The following FMN2 variants were observed in gnomAD, a reference collection of about 807,000 sequenced individuals.
FMN2 encodes the protein formin 2.
In FMN2, 51 loss-of-function variants were observed where a neutral mutation model predicts 142.3. The observed-to-expected ratio is 0.36, with a 90% CI of 0.29 to 0.45. The LOEUF is 0.45. Ranked by LOEUF, FMN2 falls within the 20% of genes least tolerant of loss-of-function variation. The pLI is 1.00. For synonymous variants in FMN2, 882 were observed against 869.8 expected (o/e 1.01, Z -0.25); for missense variants, 1,936 against 2,122.8 (o/e 0.91, Z 1.73).
At chr1:240,290,913 A>G (rs1185449003) in intron 7 of FMN2, among the ~76,000 whole-genome samples, 1 of 150,706 alleles carries the variant, frequency 6.6e-6, no homozygotes, top group African/African-American at 2.5e-5. Context: ...TCCCGGGTTC[A>G]AGTGATTATC....
intron 8 of FMN2, among the ~76,000 whole-genome samples, chr1:240,312,357 GA>G (rs1192946862): frequency 6.6e-6 from 1 of 152,038 alleles, no homozygotes; most frequent in African/African-American, 2.4e-5. Context: ...TCTTCCTTAG[GA>G]ATTCTTTGTA....
At chr1:240,472,594 T>C in intron 17 of FMN2, 141 bp downstream of exon 17, 1 of 553,540 alleles carries the variant, frequency 1.8e-6, no homozygotes, top group Non-Finnish European at 3.1e-6. Flanking sequence ...AGAATCTCCT[T>C]TTTCTTATGC....
At chr1:240,418,922 C>A (rs1179992911) in intron 15 of FMN2, among the ~76,000 whole-genome samples, 1 of 152,070 alleles carries the variant, frequency 6.6e-6, no homozygotes, top group Non-Finnish European at 1.5e-5. Flanking sequence ...GCCTGGCCAA[C>A]ATCATGAAAC....
chr1:240,165,114 T>C (rs1274044741), intron 2 of FMN2, among the ~76,000 whole-genome samples: 1 of 152,218 alleles, frequency 6.6e-6, no homozygotes, highest in Non-Finnish European at 1.5e-5. Context: ...AATTTGGCTA[T>C]TTGTCAGTTC....
At chr1:240,244,408 T>C (rs1572109162) in intron 6 of FMN2, among the ~76,000 whole-genome samples, 1 of 152,344 alleles carries the variant, frequency 6.6e-6, no homozygotes, top group East Asian at 1.9e-4. Flanking sequence ...CTCTTTGATG[T>C]CATCTTAATT....
chr1:240,392,072 T>C (rs1673621551), intron 14 of FMN2, among the ~76,000 whole-genome samples: 1 of 151,892 alleles, frequency 6.6e-6, no homozygotes, highest in Admixed American at 6.6e-5. Context: ...AGTTCAAAAT[T>C]CTTAACATAA....
intron 2 of FMN2, chr1:240,142,953 G>A: frequency 6.2e-7 from 1 of 1,601,260 alleles, no homozygotes; most frequent in Non-Finnish European, 8.6e-7. Flanking sequence ...TACATAGTGT[G>A]ATTTGCCTAG....
At chr1:240,235,356 T>G (rs1667667708) in intron 6 of FMN2, among the ~76,000 whole-genome samples, 1 of 152,196 alleles carries the variant, frequency 6.6e-6, no homozygotes, top group African/African-American at 2.4e-5. Flanking sequence ...TGCTTTTCAT[T>G]TTAAACGCTC....
chr1:240,144,662 T>C (rs1663358757), intron 2 of FMN2: 5 of 1,290,132 alleles, frequency 3.9e-6, no homozygotes, highest in Non-Finnish European at 5.7e-6. Flanking sequence ...CTCAGACACA[T>C]AATTCACACA....
chr1:240,102,131 A>G (rs1661437573), intron 1 of FMN2, among the ~76,000 whole-genome samples: 1 of 152,094 alleles, frequency 6.6e-6, no homozygotes. Context: ...AATACTTTTT[A>G]TGAGTCTGTG....
In FMN2 at chr1:240,367,147, C is replaced by T. The variant is rs531369176; in HGVS notation, c.4858+11239C>T. Among the ~76,000 whole-genome samples, 48 of 152,186 alleles carry T rather than the reference C, an allele frequency of 3.2e-4. 1 individual carries two copies. The highest frequency in any genetic ancestry group is 2.7e-3 in the Admixed American group (41 of 15,298). On this transcript the variant is annotated intron_variant, in intron 14 of 17. Coordinates refer to ENST00000319653, the MANE Select transcript of FMN2 (RefSeq NM_020066.5). ...CAATTGACTCTTTAAAGTGGTATTTCGTTGAGGTTTTCACTTGCATTTTCC... is the reference window on the plus strand; with the variant it reads ...CAATTGACTCTTTAAAGTGGTATTTTGTTGAGGTTTTCACTTGCATTTTCC...
In FMN2 at chr1:240,162,156, C is replaced by G. The variant is rs924301129; in HGVS notation, c.1783-15765C>G. Among the ~76,000 whole-genome samples, 4 of 146,440 alleles carry G rather than the reference C, an allele frequency of 2.7e-5. No homozygotes were observed. In the South Asian group the frequency reaches 8.7e-4, roughly 32 times the overall value. The stretch of plus-strand genomic sequence containing the variant: ...CAAAAAAAAAAAAACAAAAAATTGT[C>G]AAAAGAAATTATGAAGAAAGCAAAA... On this transcript the variant is annotated intron_variant, in intron 2 of 17. Transcript: ENST00000319653.
intron 13 of FMN2, among the ~76,000 whole-genome samples, chr1:240,342,200 T>C (rs1208833510): frequency 2.0e-5 from 3 of 152,226 alleles, no homozygotes; most frequent in African/African-American, 7.2e-5. Context: ...TAGTTTCCTC[T>C]TTATATGTTA....
intron 6 of FMN2, among the ~76,000 whole-genome samples, chr1:240,230,379 G>C (rs1449582891): frequency 7.7e-6 from 1 of 130,560 alleles, no homozygotes; most frequent in Non-Finnish European, 1.6e-5. Flanking sequence ...AGAAAAGAAA[G>C]AGAATAGTGT....
chr1:240,298,842 C>T (rs1670087137), intron 8 of FMN2, among the ~76,000 whole-genome samples: 1 of 152,096 alleles, frequency 6.6e-6, no homozygotes, highest in Non-Finnish European at 1.5e-5. Flanking sequence ...TTGTTGAAAT[C>T]TTATAGTACT....
Position 240,207,843 on chromosome 1 carries a change from C to T in FMN2, c.3031C>T (p.Pro1011Ser). The T allele has an allele frequency of 2.5e-6, 1 of 398,590 alleles. No homozygotes were observed. The highest frequency in any genetic ancestry group is 4.3e-6 in the Non-Finnish European group (1 of 230,776). 24.7% of individuals were successfully genotyped at this position (398,590 alleles called of 1,614,324 possible). A position where few individuals can be genotyped will look rare whatever the true frequency, so the allele number is the denominator to read the frequency against. The change falls in exon 5 of 18, where the codon CCT becomes TCT. Residue 1011 changes from proline (P) to serine (S), a missense_variant. Coordinates refer to ENST00000319653, the MANE Select transcript of FMN2 (RefSeq NM_020066.5). ...ACTTCCCGGAGCGGGCATACCCCCTCCTCCCCCTCTTCCCGGAGCGGGCAT... is the reference window on the plus strand; with the variant it reads ...ACTTCCCGGAGCGGGCATACCCCCTTCTCCCCCTCTTCCCGGAGCGGGCAT... ...PPLPGAGIPPPPPLPGAGIPP... is the reference protein window; with the variant it reads ...PPLPGAGIPPSPPLPGAGIPP...
chr1:240,273,671 A>T (rs1277122893), intron 7 of FMN2, among the ~76,000 whole-genome samples: 1 of 138,384 alleles, frequency 7.2e-6, no homozygotes, highest in Non-Finnish European at 1.6e-5. Context: ...GAGGGGGCAG[A>T]GACACACACA....
At chr1:240,367,814 T>A (rs1011338074) in intron 14 of FMN2, among the ~76,000 whole-genome samples, 13 of 151,536 alleles carry the variant, frequency 8.6e-5, no homozygotes, top group Admixed American at 8.6e-4. Flanking sequence ...TTCTCTAAGT[T>A]GGTAAAGATA....
At chr1:240,421,215 T>G (rs1205492515) in intron 15 of FMN2, among the ~76,000 whole-genome samples, 1 of 151,962 alleles carries the variant, frequency 6.6e-6, no homozygotes, top group African/African-American at 2.4e-5. Context: ...CTTGGCCAAC[T>G]TTTTTTTCCT....
Sources: gnomAD v4.1 joint callset for allele counts (sites outside exome capture counted in the v4.1 genomes callset) on GRCh38, gnomAD v4.1.1 for gene constraint, MANE v1.5 for transcripts, NCBI Gene and HGNC (gene_info 2026-07-23, HGNC 2026-07-21) for gene names.